The following MAGI3 variants were observed in gnomAD, a reference collection of about 807,000 sequenced individuals.
The protein encoded by MAGI3 is membrane associated guanylate kinase, WW and PDZ domain containing 3, also known as membrane-associated guanylate kinase, WW and PDZ domain-containing protein 3.
A neutral mutation model predicts 121.8 loss-of-function variants in MAGI3; 43 were observed. The observed-to-expected ratio is 0.35, with a 90% CI of 0.28 to 0.46. The LOEUF is 0.46. Among genes scored for constraint, MAGI3 ranks in the 20% least tolerant of loss-of-function variants. MAGI3 has a pLI of 1.00. For synonymous variants in MAGI3, 553 were observed against 639.3 expected (o/e 0.86, Z 2.04); for missense variants, 1,547 against 1,797.3 (o/e 0.86, Z 2.52).
intron 1 of MAGI3, among the ~76,000 whole-genome samples, chr1:113,496,073 T>C (rs1313695499): frequency 1.3e-5 from 2 of 152,234 alleles, no homozygotes; most frequent in Non-Finnish European, 2.9e-5. Flanking sequence ...GCTTTTTGTT[T>C]ATCTTTTATT....
rs192469313 is a variant in MAGI3 at position 113,422,519 on chromosome 1, G to A, written c.316+31170G>A. Among the ~76,000 whole-genome samples the A allele has an allele frequency of 2.3e-3, 355 of 152,356 alleles. No individual in the cohort carries two copies. Among genetic ancestry groups the A allele is most frequent in the African/African-American group, 8.1e-3 (338 of 41,582 alleles). ...AGCGGTGAGGGGCATGTGAGTGAGC[G>A]AGTGTGGGGTCTGGCCACTGCGCAC... On this transcript the variant is annotated intron_variant, in intron 1 of 20. Transcript: ENST00000307546. This position sits in a 1 kb window ranked among gnomAD's most constrained non-coding sequence, Gnocchi z 4.3.
In MAGI3 at chr1:113,685,082, C is replaced by A. The variant is rs1648466843; in HGVS notation, c.*1068C>A. On this transcript the variant is annotated 3_prime_UTR_variant, in exon 21 of 21. Transcript: ENST00000307546. ...AAAAACAACCTGTGTAGGGTATGCCCAGCAAATGAGGACAAATGTGTAGAC... is the reference window on the plus strand; with the variant it reads ...AAAAACAACCTGTGTAGGGTATGCCAAGCAAATGAGGACAAATGTGTAGAC... The A allele has an allele frequency of 1.3e-5, 2 of 152,324 alleles. No individual in the cohort carries two copies. The highest frequency in any genetic ancestry group is 4.8e-5 in the African/African-American group (2 of 41,448). 9.4% of individuals were successfully genotyped at this position (152,324 alleles called of 1,614,324 possible).
intron 1 of MAGI3, among the ~76,000 whole-genome samples, chr1:113,411,341 G>A (rs1651967403): frequency 6.6e-6 from 1 of 151,886 alleles, no homozygotes; most frequent in Admixed American, 6.6e-5. Flanking sequence ...TCCATAAAAT[G>A]CCTTATTGTT....
intron 1 of MAGI3, among the ~76,000 whole-genome samples, chr1:113,437,857 CTT>C (rs1653676254): frequency 4.1e-5 from 2 of 49,176 alleles, no homozygotes; most frequent in Non-Finnish European, 7.8e-5. Context: ...TCTTCTTCTT[CTT>C]CTTCCTCTTC....
chr1:113,411,971 C>G (rs1652021357), intron 1 of MAGI3, among the ~76,000 whole-genome samples: 1 of 151,510 alleles, frequency 6.6e-6, no homozygotes. Flanking sequence ...GTTTGTTGCA[C>G]CCATCAACTC....
chr1:113,532,634 T>C (rs1658780323), intron 1 of MAGI3, among the ~76,000 whole-genome samples: 1 of 152,162 alleles, frequency 6.6e-6, no homozygotes, highest in Non-Finnish European at 1.5e-5. Context: ...CTGGTCCCTC[T>C]TTTAAATACG....
intron 1 of MAGI3, among the ~76,000 whole-genome samples, chr1:113,461,491 T>C (rs1655033567): frequency 6.6e-6 from 1 of 152,196 alleles, no homozygotes; most frequent in Admixed American, 6.5e-5. Context: ...CCCTATTCAA[T>C]AAATGGTGCT....
chr1:113,408,515 T>G (rs1364818820), intron 1 of MAGI3, among the ~76,000 whole-genome samples: 1 of 152,190 alleles, frequency 6.6e-6, no homozygotes, highest in Non-Finnish European at 1.5e-5. Flanking sequence ...TACAGAAATA[T>G]GAGACATGTT....
At chr1:113,640,529 C>T (rs1777239) in intron 9 of MAGI3, among the ~76,000 whole-genome samples, 58,110 of 151,888 alleles carry the variant, frequency 0.38, 12,863 homozygotes, top group African/African-American at 0.6. Flanking sequence ...TATATATACA[C>T]TATGGAATAC....
intron 1 of MAGI3, among the ~76,000 whole-genome samples, chr1:113,400,282 CT>C (rs907216670): frequency 6.6e-6 from 1 of 152,032 alleles, no homozygotes; most frequent in Non-Finnish European, 1.5e-5. Flanking sequence ...ATGTCTTCAG[CT>C]TTGGTGCCAT....
At chr1:113,431,970 A>G (rs1433752821) in intron 1 of MAGI3, among the ~76,000 whole-genome samples, 1 of 152,190 alleles carries the variant, frequency 6.6e-6, no homozygotes, top group Non-Finnish European at 1.5e-5. Context: ...ATAATTTATA[A>G]TTTTATGGAA....
chr1:113,594,576 C>T lies in MAGI3; in HGVS notation c.1018+16C>T. Reference sequence around the variant, plus strand: ...GAAGATGGAGGTAGAGATTCAGAAACTTACTCTATCATACTTATTCTCTTA... The same window carrying T: ...GAAGATGGAGGTAGAGATTCAGAAATTTACTCTATCATACTTATTCTCTTA... On this transcript the variant is annotated intron_variant, in intron 6 of 20. Coordinates refer to ENST00000307546, the MANE Select transcript of MAGI3 (RefSeq NM_001142782.2). 3 of 1,593,080 alleles carry T rather than the reference C, an allele frequency of 1.9e-6. No individual in the cohort carries two copies. The highest frequency in any genetic ancestry group is 8.6e-7 in the Non-Finnish European group (1 of 1,164,702).
At chr1:113,439,854 C>T (rs895509060) in intron 1 of MAGI3, among the ~76,000 whole-genome samples, 1 of 150,600 alleles carries the variant, frequency 6.6e-6, no homozygotes, top group Non-Finnish European at 1.5e-5. Flanking sequence ...TAATTAATTT[C>T]CCCAGTTATT....
At position 113,425,341 on chromosome 1, in the gene MAGI3, G is replaced by T. The variant is rs1652952205; in HGVS notation, c.316+33992G>T. 1.5e-5 allele frequency among the ~76,000 whole-genome samples: 2 copies of T among 130,922 alleles called. 1 individual carries two copies. Among genetic ancestry groups the T allele is most frequent in the Middle Eastern group, 0.01 (2 of 196 alleles). 85.9% of individuals were successfully genotyped at this position (130,922 alleles called of 152,430 possible). A position where few individuals can be genotyped will look rare whatever the true frequency, so the allele number is the denominator to read the frequency against. ...TCTGTCGCCCAGGCTAGAGTGCAGT[G>T]GCGCGATCTCAGCTCACTGCAAGCT... On this transcript the variant is annotated intron_variant, in intron 1 of 20. Coordinates refer to ENST00000307546, the MANE Select transcript of MAGI3 (RefSeq NM_001142782.2).
intron 6 of MAGI3, among the ~76,000 whole-genome samples, chr1:113,613,001 T>C (rs1262136538): frequency 6.6e-6 from 1 of 152,184 alleles, no homozygotes; most frequent in Non-Finnish European, 1.5e-5. Context: ...GTTCCCATGC[T>C]ATTTCAAGAA....
At chr1:113,538,585 A>G (rs1659113976) in intron 1 of MAGI3, among the ~76,000 whole-genome samples, 1 of 152,212 alleles carries the variant, frequency 6.6e-6, no homozygotes, top group African/African-American at 2.4e-5. Context: ...TAAAAAGTTT[A>G]GAAAAGAAAA....
intron 2 of MAGI3, among the ~76,000 whole-genome samples, chr1:113,575,801 C>T (rs1426908656): frequency 6.6e-6 from 1 of 152,190 alleles, no homozygotes; most frequent in African/African-American, 2.4e-5. Context: ...GCTGCCCCTT[C>T]CCCCAGGTGC....
rs544452259 is a variant in MAGI3, at chr1:113,446,235, G to A, written c.316+54886G>A. On this transcript the variant is annotated intron_variant, in intron 1 of 20. Transcript: ENST00000307546. ...AAGATATAATTTTGTGACATCAACA[G>A]CCAAAAGGGGAGGAAATGGAGCTGT... 2.4e-4 allele frequency among the ~76,000 whole-genome samples: 37 copies of A among 152,236 alleles called. 1 individual carries two copies. In the East Asian group the frequency reaches 5.8e-3, roughly 24 times the overall value.
chr1:113,641,471 A>G (rs965162216), intron 9 of MAGI3, among the ~76,000 whole-genome samples: 1 of 151,882 alleles, frequency 6.6e-6, no homozygotes, highest in African/African-American at 2.4e-5. Context: ...ATATATACAT[A>G]CATACAGATA....
Sources: gnomAD v4.1 joint callset for allele counts (sites outside exome capture counted in the v4.1 genomes callset) on GRCh38, gnomAD v4.1.1 for gene constraint, Gnocchi (gnomAD v3.1) non-coding constraint, MANE v1.5 for transcripts, NCBI Gene and HGNC (gene_info 2026-07-23, HGNC 2026-07-21) for gene names.